The following GABRB1 variants were observed in gnomAD, a reference collection of about 807,000 sequenced individuals.
GABRB1 encodes gamma-aminobutyric acid receptor subunit beta-1.
Under a neutral mutation model 51.6 loss-of-function variants are expected in GABRB1, and 17 were observed. The observed-to-expected ratio is 0.33, with a 90% confidence interval of 0.23 to 0.49. The LOEUF (loss-of-function observed/expected upper bound fraction) is 0.49, where lower values mean the gene tolerates loss of function less well. Among genes scored for constraint, GABRB1 ranks in the 20% least tolerant of loss-of-function variants. The pLI, the probability that GABRB1 is intolerant of heterozygous loss-of-function variation, is 0.99. For missense variants in GABRB1, 410 were observed against 600.6 expected (o/e 0.68, Z 3.32); for synonymous variants, 247 against 218.9 (o/e 1.13, Z -1.14).
At chr4:47,375,627 A>T (rs2110023279) in intron 5 of GABRB1, among the ~76,000 whole-genome samples, 1 of 152,334 alleles carries the variant, frequency 6.6e-6, no homozygotes, top group East Asian at 1.9e-4. Flanking sequence ...CCATCTGGCA[A>T]ATTGAGCTTC....
chr4:47,061,257 C>T (rs1726835185), intron 3 of GABRB1, among the ~76,000 whole-genome samples: 1 of 151,950 alleles, frequency 6.6e-6, no homozygotes, highest in Non-Finnish European at 1.5e-5. Flanking sequence ...TCTATGGAAA[C>T]TAACAAAGGT....
chr4:47,217,168 T>C (rs1254035793), intron 4 of GABRB1, among the ~76,000 whole-genome samples: 1 of 151,860 alleles, frequency 6.6e-6, no homozygotes, highest in Non-Finnish European at 1.5e-5. Flanking sequence ...AATTAAGACA[T>C]TTTTGAAAAT....
upstream of GABRB1, among the ~76,000 whole-genome samples, chr4:47,029,131 TA>T (rs992901417): frequency 1.6e-4 from 24 of 151,952 alleles, no homozygotes; most frequent in African/African-American, 5.8e-4. Context: ...TTTGCACTAC[TA>T]AAAACAACAC....
At chr4:47,194,000 T>C (rs115132504) in intron 4 of GABRB1, among the ~76,000 whole-genome samples, 44 of 152,362 alleles carry the variant, frequency 2.9e-4, no homozygotes, top group African/African-American at 1.0e-3. Flanking sequence ...ATACAGTACA[T>C]GTTTACTTTG....
At chr4:46,996,437 C>G (rs535410736) in intron 1 of GABRB1, among the ~76,000 whole-genome samples, 2 of 152,074 alleles carry the variant, frequency 1.3e-5, no homozygotes, top group Non-Finnish European at 2.9e-5. Context: ...CAACTGCTAA[C>G]GTCTTAGGAT....
chr4:47,079,951 A>G (rs936216256), intron 3 of GABRB1, among the ~76,000 whole-genome samples: 1 of 152,082 alleles, frequency 6.6e-6, no homozygotes, highest in Admixed American at 6.6e-5. Context: ...ATACATATGT[A>G]ATTAACCTGC....
At chr4:47,327,352 T>C (rs1725298133) in intron 5 of GABRB1, among the ~76,000 whole-genome samples, 2 of 148,610 alleles carry the variant, frequency 1.3e-5, no homozygotes, top group South Asian at 4.2e-4. Flanking sequence ...AAGAGTAGGA[T>C]CTCTTAAAAG....
chr4:47,077,744 A>G (rs941125385), intron 3 of GABRB1, among the ~76,000 whole-genome samples: 1 of 150,222 alleles, frequency 6.7e-6, no homozygotes, highest in Non-Finnish European at 1.5e-5. Context: ...AAATTAGCTT[A>G]TCAGAGACCT....
intron 4 of GABRB1, among the ~76,000 whole-genome samples, chr4:47,230,108 T>G (rs1721086024): frequency 6.6e-6 from 1 of 152,196 alleles, no homozygotes; most frequent in Non-Finnish European, 1.5e-5. Context: ...TACTTCTGAT[T>G]GCTATAAAAA....
chr4:47,293,034 C>T (rs982831056), intron 4 of GABRB1, among the ~76,000 whole-genome samples: 19 of 151,960 alleles, frequency 1.3e-4, no homozygotes, highest in African/African-American at 4.6e-4. Context: ...AACATTTTAT[C>T]AATAACAATT....
intron 4 of GABRB1, among the ~76,000 whole-genome samples, chr4:47,295,199 G>A (rs1723923504): frequency 6.6e-6 from 1 of 152,236 alleles, no homozygotes; most frequent in African/African-American, 2.4e-5. Context: ...AAAGCAGAGT[G>A]CCTCTCCTCC....
At chr4:47,029,374 C>T (rs1725208515), upstream of GABRB1, among the ~76,000 whole-genome samples, 4 of 151,802 alleles carry the variant, frequency 2.6e-5, no homozygotes. Context: ...TGTACAATTC[C>T]TTTAATTTGC....
chr4:47,310,828 T>C (rs1435617052), intron 4 of GABRB1, among the ~76,000 whole-genome samples: 1 of 152,070 alleles, frequency 6.6e-6, no homozygotes, highest in Non-Finnish European at 1.5e-5. Context: ...CCTGTAAATA[T>C]TCTACTTCTC....
At chr4:46,995,954 T>G (rs923539262) in intron 1 of GABRB1, among the ~76,000 whole-genome samples, 1 of 152,160 alleles carries the variant, frequency 6.6e-6, no homozygotes, top group African/African-American at 2.4e-5. Flanking sequence ...CATTTATATC[T>G]CTTCTCATTT....
intron 1 of GABRB1, among the ~76,000 whole-genome samples, chr4:47,011,329 G>A (rs1724576639): frequency 6.6e-6 from 1 of 152,276 alleles, no homozygotes; most frequent in East Asian, 1.9e-4. Context: ...GGGAGCTGCA[G>A]TAGGTATTAA....
At chr4:47,192,913 T>C (rs1446987702) in intron 4 of GABRB1, among the ~76,000 whole-genome samples, 2 of 152,138 alleles carry the variant, frequency 1.3e-5, no homozygotes, top group Non-Finnish European at 2.9e-5. Context: ...TATCCCCATT[T>C]TACAGATGAG....
At chr4:47,040,454 G>A (rs1236059602) in intron 3 of GABRB1, among the ~76,000 whole-genome samples, 1 of 152,054 alleles carries the variant, frequency 6.6e-6, no homozygotes, top group Admixed American at 6.6e-5. Context: ...GATGACAGGG[G>A]TTAGAGAAGA....
intron 4 of GABRB1, among the ~76,000 whole-genome samples, chr4:47,197,672 G>A (rs1387643047): frequency 6.6e-6 from 1 of 152,268 alleles, no homozygotes; most frequent in East Asian, 1.9e-4. Flanking sequence ...CTTGAAGTAA[G>A]GAGTCATATC....
At chr4:47,411,954 T>C (rs1273708600) in intron 8 of GABRB1, among the ~76,000 whole-genome samples, 1 of 152,162 alleles carries the variant, frequency 6.6e-6, no homozygotes. Flanking sequence ...AAAAAATGAT[T>C]AGCGAAATTG....
Sources: allele counts gnomAD v4.1 joint callset (sites outside exome capture counted in the v4.1 genomes callset), GRCh38; gene constraint gnomAD v4.1.1; transcripts MANE v1.5; gene names NCBI Gene and HGNC (gene_info 2026-07-23, HGNC 2026-07-21).